Variants in TOM1L2 observed in about 807,000 individuals in gnomAD.
TOM1L2 encodes TOM1-like protein 2.
A neutral mutation model predicts 67.9 loss-of-function variants in TOM1L2; 31 were observed. The ratio of observed to expected loss-of-function variants is 0.46; its 90% CI spans 0.34 to 0.62. The LOEUF is 0.62. TOM1L2 is among the 20% of genes least tolerant of loss of function. The pLI is 0.01. For synonymous variants in TOM1L2, 256 were observed against 254.0 expected (o/e 1.01, Z -0.07); for missense variants, 606 against 663.5 (o/e 0.91, Z 0.95).
At chr17:17,949,518 G>A (rs1329405673) in intron 1 of TOM1L2, among the ~76,000 whole-genome samples, 2 of 152,242 alleles carry the variant, frequency 1.3e-5, no homozygotes, top group East Asian at 3.8e-4. Context: ...GTGGGTATAT[G>A]AAAAAAGTTA....
intron 10 of TOM1L2, among the ~76,000 whole-genome samples, chr17:17,864,659 A>G (rs894815031): frequency 1.3e-5 from 2 of 151,952 alleles, no homozygotes; most frequent in African/African-American, 4.8e-5. Context: ...TTACAGGCAC[A>G]CACCACCATG....
chr17:17,913,243 G>A (rs1368619701), intron 1 of TOM1L2, among the ~76,000 whole-genome samples: 7 of 150,318 alleles, frequency 4.7e-5, no homozygotes, highest in Non-Finnish European at 8.8e-5. Context: ...GGAGACGGGG[G>A]AGACCGTGGG....
intron 1 of TOM1L2, among the ~76,000 whole-genome samples, chr17:17,956,949 A>G (rs376964995): frequency 3.3e-4 from 51 of 152,344 alleles, no homozygotes; most frequent in African/African-American, 1.1e-3. Context: ...GGGCTCCTCA[A>G]GCACAGCCAG....
intron 1 of TOM1L2, among the ~76,000 whole-genome samples, chr17:17,945,837 C>G (rs185936983): frequency 1.3e-5 from 2 of 152,134 alleles, no homozygotes; most frequent in Admixed American, 1.3e-4. Context: ...CTGCCACCAC[C>G]CTAATTCAAT....
At chr17:17,937,676 C>T (rs560242996) in intron 1 of TOM1L2, among the ~76,000 whole-genome samples, 2 of 152,258 alleles carry the variant, frequency 1.3e-5, no homozygotes, top group African/African-American at 4.8e-5. Context: ...TGACACACAG[C>T]CCACATGCTA....
intron 8 of TOM1L2, among the ~76,000 whole-genome samples, chr17:17,868,163 G>T (rs533392339): frequency 6.6e-6 from 1 of 152,298 alleles, no homozygotes; most frequent in South Asian, 2.1e-4. Context: ...AGACAAAGGG[G>T]CCTCGGGCTG....
chr17:17,965,257 T>C (rs2041834795), intron 1 of TOM1L2, among the ~76,000 whole-genome samples: 3 of 152,138 alleles, frequency 2.0e-5, no homozygotes, highest in Non-Finnish European at 4.4e-5. Context: ...CTCTAAAATA[T>C]AGTTCAAACT....
chr17:17,881,270 G>A (rs1481111028), intron 6 of TOM1L2, among the ~76,000 whole-genome samples: 1 of 152,108 alleles, frequency 6.6e-6, no homozygotes, highest in Non-Finnish European at 1.5e-5. Context: ...GAAGGCTATG[G>A]GCAGCCACCC....
intron 1 of TOM1L2, among the ~76,000 whole-genome samples, chr17:17,944,414 G>A (rs1378056027): frequency 6.6e-6 from 1 of 152,216 alleles, no homozygotes; most frequent in East Asian, 1.9e-4. Flanking sequence ...TCTTTGAAAG[G>A]TTCCAGACAA....
intron 1 of TOM1L2, among the ~76,000 whole-genome samples, chr17:17,930,110 G>C (rs2040265188): frequency 6.6e-6 from 1 of 152,186 alleles, no homozygotes; most frequent in Non-Finnish European, 1.5e-5. Context: ...TAGTTCTTCA[G>C]AAATGAGACT....
chr17:17,944,813 G>A (rs140065130), intron 1 of TOM1L2, among the ~76,000 whole-genome samples: 15 of 152,308 alleles, frequency 9.8e-5, no homozygotes, highest in African/African-American at 2.9e-4. Flanking sequence ...AATGCTTAGC[G>A]ACAAGGCCTA....
At chr17:17,872,429 T>C (rs1237870639) in intron 7 of TOM1L2, among the ~76,000 whole-genome samples, 2 of 152,160 alleles carry the variant, frequency 1.3e-5, no homozygotes, top group Non-Finnish European at 2.9e-5. Context: ...CATCCTCCCC[T>C]GCTTCCTAAA....
At chr17:17,960,540 G>A (rs887010369) in intron 1 of TOM1L2, among the ~76,000 whole-genome samples, 1 of 152,174 alleles carries the variant, frequency 6.6e-6, no homozygotes, top group African/African-American at 2.4e-5. Context: ...ATTTCGCCAT[G>A]TTGCCCAGAC....
At position 17,907,348 on chromosome 17, in the gene TOM1L2, C is replaced by CA. The variant is rs553099640; in HGVS notation, c.137+98dup. The CA allele has an allele frequency of 2.7e-6, 3 of 1,093,256 alleles. No individual in the cohort carries two copies. In the Admixed American group the frequency reaches 8.0e-5, roughly 29 times the overall value. The allele number at this position is 1,093,256 out of a possible 1,614,324, so 67.7% of individuals were successfully genotyped here. ...GATGCCAAACCAAACATACTAGGAA[C>CA]AAAACAAAAAATAAAACCTGCCACC... On this transcript the variant is annotated intron_variant, in intron 2 of 14. Coordinates refer to ENST00000379504, the MANE Select transcript of TOM1L2 (RefSeq NM_001082968.2).
chr17:17,871,197 C>T (rs1364145133), intron 7 of TOM1L2, among the ~76,000 whole-genome samples: 2 of 150,944 alleles, frequency 1.3e-5, no homozygotes, highest in East Asian at 1.9e-4. Flanking sequence ...GGTGAAACCC[C>T]GTCTCTACTA....
rs2035556504 is a variant in TOM1L2, at chr17:17,844,747, AAGGT to A, written c.*2884_*2887del. 1 of 152,218 alleles carries A rather than the reference AAGGT, an allele frequency of 6.6e-6. No individual in the cohort carries two copies. The highest frequency in any genetic ancestry group is 2.4e-5 in the African/African-American group (1 of 41,450). 9.4% of individuals were successfully genotyped at this position (152,218 alleles called of 1,614,324 possible). A position where few individuals can be genotyped will look rare whatever the true frequency, so the allele number is the denominator to read the frequency against. On this transcript the variant is annotated 3_prime_UTR_variant, in exon 15 of 15. Transcript: ENST00000379504. ...CATTCTCTGCCGCCCAGTGGCCAAA[AAGGT>A]AGGCAGGAGGGAATGGTTAGTTTTC...
In TOM1L2 at chr17:17,847,367, C is replaced by T. The variant is rs2035699220; in HGVS notation, c.*268G>A. 4.3e-5 allele frequency: 22 copies of T among 506,238 alleles called. No homozygotes were observed. The South Asian group carries it at 4.8e-4, about 11-fold the overall frequency. The allele number at this position is 506,238 out of a possible 1,614,324, so 31.4% of individuals were successfully genotyped here. On this transcript the variant is annotated 3_prime_UTR_variant, in exon 15 of 15. Coordinates refer to ENST00000379504, the MANE Select transcript of TOM1L2 (RefSeq NM_001082968.2). ...ACTGCCTGGGGCTGGGCCACTCTGC[C>T]CGCTCTTCCTGGGAGGAAACATGGG...
chr17:17,902,421 C>A (rs1198724371), intron 2 of TOM1L2, among the ~76,000 whole-genome samples: 1 of 152,246 alleles, frequency 6.6e-6, no homozygotes, highest in Non-Finnish European at 1.5e-5. Context: ...GTGCAGGCAG[C>A]ACTTCAGTGG....
intron 1 of TOM1L2, among the ~76,000 whole-genome samples, chr17:17,966,669 C>A (rs2041882626): frequency 1.3e-5 from 2 of 152,168 alleles, no homozygotes; most frequent in South Asian, 4.1e-4. Context: ...GGAGTAGATT[C>A]TAGGCTTCAC....
Sources: allele counts gnomAD v4.1 joint callset (sites outside exome capture counted in the v4.1 genomes callset), GRCh38; gene constraint gnomAD v4.1.1; transcripts MANE v1.5; gene names NCBI Gene and HGNC (gene_info 2026-07-23, HGNC 2026-07-21).